Variants in TYW1 observed in about 807,000 individuals in gnomAD.
TYW1 encodes the protein tRNA-yW synthesizing protein 1 homolog.
Under a neutral mutation model 96.2 loss-of-function variants are expected in TYW1, and 46 were observed. The observed-to-expected ratio is 0.48, with a 90% CI of 0.38 to 0.61. The LOEUF (loss-of-function observed/expected upper bound fraction) is 0.61. Among genes scored for constraint, TYW1 ranks in the 20% least tolerant of loss-of-function variants. The probability of loss-of-function intolerance (pLI) is 0.00; values close to 1 mark genes in which losing one functional copy is unlikely to be tolerated. For missense variants in TYW1, 684 were observed against 909.6 expected, an observed-to-expected ratio of 0.75 and a Z score of 3.19; for synonymous variants, 274 against 323.0, an observed-to-expected ratio of 0.85 and a Z score of 1.63.
intron 13 of TYW1, among the ~76,000 whole-genome samples, chr7:67,138,446 C>T (rs34522686): frequency 1.8e-3 from 269 of 151,668 alleles, no homozygotes; most frequent in African/African-American, 3.2e-3. Context: ...GTATCTATCC[C>T]CTCCAGCATT....
In TYW1 at chr7:67,126,391, T is replaced by C. The variant is rs1226071095; in HGVS notation, c.1698+8773T>C. Reference sequence around the variant, plus strand: ...GTATATTTTGGAGTCCTTTATCAGATATGTCTTTTGCAAATGTGTTCTCCC... The same window carrying C: ...GTATATTTTGGAGTCCTTTATCAGACATGTCTTTTGCAAATGTGTTCTCCC... On this transcript the variant is annotated intron_variant, in intron 13 of 15. Coordinates refer to ENST00000359626, the MANE Select transcript of TYW1 (RefSeq NM_018264.4). Among the ~76,000 whole-genome samples, 4 of 152,148 alleles carry C rather than the reference T, an allele frequency of 2.6e-5. 1 individual carries two copies. The highest frequency in any genetic ancestry group is 9.7e-5 in the African/African-American group (4 of 41,406).
intron 13 of TYW1, among the ~76,000 whole-genome samples, chr7:67,175,391 G>A (rs2421409): frequency 2.6e-5 from 4 of 151,974 alleles, no homozygotes; most frequent in Admixed American, 6.5e-5. Flanking sequence ...GGCTGGTCTC[G>A]AACTCCCAAC....
chr7:67,201,881 C>T (rs1800610697), intron 15 of TYW1, among the ~76,000 whole-genome samples: 1 of 152,184 alleles, frequency 6.6e-6, no homozygotes, highest in Admixed American at 6.5e-5. Context: ...TTTGTTATGA[C>T]ATCATTGAAA....
intron 11 of TYW1, among the ~76,000 whole-genome samples, chr7:67,094,964 T>TG (rs913043337): frequency 7.5e-4 from 114 of 151,072 alleles, no homozygotes; most frequent in Non-Finnish European, 1.4e-3. Context: ...AGATTGCTGG[T>TG]GGGGGGGTAC....
chr7:67,033,638 A>G (rs1162996100), intron 7 of TYW1, among the ~76,000 whole-genome samples: 1 of 151,976 alleles, frequency 6.6e-6, no homozygotes, highest in East Asian at 1.9e-4. Flanking sequence ...GAAATCTTCA[A>G]AAACCCTGTC....
chr7:67,237,089 T>G (rs1378888770), intron 15 of TYW1, among the ~76,000 whole-genome samples: 2 of 152,196 alleles, frequency 1.3e-5, no homozygotes, highest in Admixed American at 1.3e-4. Flanking sequence ...TTTTACCATG[T>G]TGGCCAAGCT....
intron 10 of TYW1, among the ~76,000 whole-genome samples, chr7:67,067,614 C>T (rs914443598): frequency 3.3e-5 from 5 of 152,250 alleles, no homozygotes; most frequent in Non-Finnish European, 5.9e-5. Context: ...TGTAAACATC[C>T]ATTTGGACAG....
intron 7 of TYW1, among the ~76,000 whole-genome samples, chr7:67,040,992 A>G (rs1795002134): frequency 1.3e-5 from 2 of 152,140 alleles, no homozygotes; most frequent in Non-Finnish European, 1.5e-5. Context: ...TCAGACATCC[A>G]TGTACATTAT....
chr7:67,164,658 C>T (rs1371460909), intron 13 of TYW1, among the ~76,000 whole-genome samples: 1 of 146,292 alleles, frequency 6.8e-6, no homozygotes, highest in Non-Finnish European at 1.5e-5. Flanking sequence ...TCCTCTAAAA[C>T]AGTTATTCTC....
At chr7:67,231,341 ACT>A (rs1412094515) in intron 15 of TYW1, among the ~76,000 whole-genome samples, 1 of 151,856 alleles carries the variant, frequency 6.6e-6, no homozygotes, top group Non-Finnish European at 1.5e-5. Flanking sequence ...TGGACAGTTC[ACT>A]CTCTACCACC....
At chr7:67,147,836 ACTAGTTAG>A (rs1162213023) in intron 13 of TYW1, among the ~76,000 whole-genome samples, 1 of 152,302 alleles carries the variant, frequency 6.6e-6, no homozygotes, top group African/African-American at 2.4e-5. Context: ...CTAGTCATCT[ACTAGTTAG>A]CTTAGTAAGC....
intron 12 of TYW1, chr7:67,114,480 A>G (rs1797528434): frequency 6.6e-6 from 1 of 152,376 alleles, no homozygotes; most frequent in Admixed American, 6.6e-5. Context: ...TAAAATTAAG[A>G]TGAAGGGTCC....
chr7:67,135,828 G>A (rs544131251), intron 13 of TYW1, among the ~76,000 whole-genome samples: 2 of 152,266 alleles, frequency 1.3e-5, no homozygotes, highest in African/African-American at 4.8e-5. Context: ...AGACTCTGTT[G>A]TGTTTCATTA....
chr7:67,166,607 G>A (rs1170412792), intron 13 of TYW1, among the ~76,000 whole-genome samples: 2 of 151,782 alleles, frequency 1.3e-5, no homozygotes, highest in East Asian at 3.9e-4. Context: ...GGTTTTGAAT[G>A]TTGTGGAATC....
At chr7:67,093,254 G>A (rs1181033700) in intron 11 of TYW1, among the ~76,000 whole-genome samples, 2 of 152,150 alleles carry the variant, frequency 1.3e-5, no homozygotes, top group East Asian at 3.9e-4. Flanking sequence ...TGTATGTTGG[G>A]CCTGGCACCC....
chr7:67,056,018 C>G, intron 9 of TYW1, 131 bp downstream of exon 9: 1 of 721,862 alleles, frequency 1.4e-6, no homozygotes, highest in South Asian at 3.1e-5. Context: ...TTAAATGATT[C>G]TTTAAAATGA....
At chr7:67,081,781 T>G (rs1465332305) in intron 10 of TYW1, among the ~76,000 whole-genome samples, 1 of 150,834 alleles carries the variant, frequency 6.6e-6, no homozygotes. Flanking sequence ...CTTTTCCTTT[T>G]CTTTTTCTTT....
At chr7:67,129,221 G>A (rs4109495) in intron 13 of TYW1, among the ~76,000 whole-genome samples, 42,071 of 151,992 alleles carry the variant, frequency 0.28, 6,667 homozygotes, top group African/African-American at 0.44. Context: ...GTTTCTCCTG[G>A]GAGCAGACCT....
rs562820984 is a variant in TYW1 at position 67,194,813 on chromosome 7, CCCTTCATAA to C, written c.1810-356_1810-348del. Among the ~76,000 whole-genome samples the C allele has an allele frequency of 2.0e-5, 3 of 146,778 alleles. No homozygotes were observed. The East Asian group carries it at 5.8e-4, about 29-fold the overall frequency. ...CATTATTGTCCTAAGGGGTGATAACCCCTTCATAATTCCTCAATTATAGTGCACAGATGA... is the reference window on the plus strand; with the variant it reads ...CATTATTGTCCTAAGGGGTGATAACCTTCCTCAATTATAGTGCACAGATGA... On this transcript the variant is annotated intron_variant, in intron 14 of 15. Transcript: ENST00000359626.
Sources: allele counts gnomAD v4.1 joint callset (sites outside exome capture counted in the v4.1 genomes callset), GRCh38; gene constraint gnomAD v4.1.1; transcripts MANE v1.5; gene names NCBI Gene and HGNC (gene_info 2026-07-23, HGNC 2026-07-21).